The following DEFB128 variants were observed in gnomAD, a reference collection of about 807,000 sequenced individuals.
The protein encoded by DEFB128 is defensin beta 128, also known as beta-defensin 128.
A neutral mutation model predicts 2.4 loss-of-function variants in DEFB128; 1 was observed. The observed-to-expected ratio is 0.41, with a 90% CI of 0.15 to 1.96. The LOEUF is 1.96. Ranked by LOEUF, DEFB128 falls within the 30% of genes most tolerant of loss-of-function variation. The pLI, the probability that DEFB128 is intolerant of heterozygous loss-of-function variation, is 0.30. For missense variants in DEFB128, 129 were observed against 104.9 expected (o/e 1.23, Z -1.00); for synonymous variants, 59 against 39.1 (o/e 1.51, Z -1.89).
In DEFB128 at chr20:187,989, T is replaced by C; in HGVS notation, c.179A>G (p.Lys60Arg). 1 of 1,614,096 alleles carries C rather than the reference T, an allele frequency of 6.2e-7. No homozygotes were observed. The highest frequency in any genetic ancestry group is 8.5e-7 in the Non-Finnish European group (1 of 1,179,952). ...TGGCTTCTTAAATGACACATGTTTT[T>C]TCTCTTCTTCATCATTAGCACAACA... ...KLCCANDEEE[K>R]KHVSFKKPHQ... Residue 60 changes from lysine (K) to arginine (R), a missense_variant, in exon 2 of 2, where the codon AAA becomes AGA. Coordinates refer to ENST00000334391, the MANE Select transcript of DEFB128 (RefSeq NM_001037732.3).
intron 1 of DEFB128, among the ~76,000 whole-genome samples, chr20:188,861 A>G (rs773339409): frequency 1.4e-4 from 21 of 152,090 alleles, no homozygotes; most frequent in South Asian, 6.2e-4. Flanking sequence ...TTGCCCCTCT[A>G]CCCAAAATTT....
Position 187,916 on chromosome 20 carries a change from G to A in DEFB128, c.252C>T (p.Ile84=). ...CTGTGAAAATGGTGATGGTGGGTAA[G>A]ATGATGTAATCCTGCAGCACACTCA... ...EKLSVLQDYI[I]LPTITIFTV Residue 84 remains isoleucine, a synonymous_variant, in exon 2 of 2, where the codon ATC becomes ATT. Coordinates refer to ENST00000334391, the MANE Select transcript of DEFB128 (RefSeq NM_001037732.3). 2 of 1,613,970 alleles carry A rather than the reference G, an allele frequency of 1.2e-6. No homozygotes were observed. Among genetic ancestry groups the A allele is most frequent in the South Asian group, 1.1e-5 (1 of 91,068 alleles).
intron 1 of DEFB128, among the ~76,000 whole-genome samples, chr20:189,177 C>A (rs1319904306): frequency 6.6e-6 from 1 of 152,170 alleles, no homozygotes; most frequent in Admixed American, 6.5e-5. Flanking sequence ...ATTCATACAA[C>A]CCGTCAATGA....
Position 189,641 on chromosome 20 carries a change from G to A in DEFB128, c.-18C>T, listed in dbSNP as rs774674636. On this transcript the variant is annotated 5_prime_UTR_variant, in exon 1 of 2. Coordinates refer to ENST00000334391, the MANE Select transcript of DEFB128 (RefSeq NM_001037732.3). Reference sequence around the variant, plus strand: ...AGCTTCATATTTACAGACTTCCCAAGAGAAAGAGGCAGCAGAACTTTGTCC... The same window carrying A: ...AGCTTCATATTTACAGACTTCCCAAAAGAAAGAGGCAGCAGAACTTTGTCC... 6 of 1,613,584 alleles carry A rather than the reference G, an allele frequency of 3.7e-6. No individual in the cohort carries two copies. Among genetic ancestry groups the A allele is most frequent in the Non-Finnish European group, 5.1e-6 (6 of 1,179,732 alleles).
Position 188,133 on chromosome 20 carries a change from C to A in DEFB128, c.50-15G>T, listed in dbSNP as rs771781951. The A allele has an allele frequency of 3.1e-6, 5 of 1,611,204 alleles. No individual in the cohort carries two copies. Among genetic ancestry groups the A allele is most frequent in the Non-Finnish European group, 4.2e-6 (5 of 1,177,974 alleles). On this transcript the variant is annotated splice_polypyrimidine_tract_variant and intron_variant, in intron 1 of 1. Coordinates refer to ENST00000334391, the MANE Select transcript of DEFB128 (RefSeq NM_001037732.3). Reference sequence around the variant, plus strand: ...TCTTGCCCCGTCTGTGCATAGGAAACAACATTGAACCAAGGTTAGTGCGTA... The same window carrying A: ...TCTTGCCCCGTCTGTGCATAGGAAAAAACATTGAACCAAGGTTAGTGCGTA...
chr20:187,962 T>C lies in DEFB128; in HGVS notation c.206A>G (p.His69Arg), dbSNP rs774145799. The C allele has an allele frequency of 3.1e-6, 5 of 1,613,948 alleles. No homozygotes were observed. Among genetic ancestry groups the C allele is most frequent in the African/African-American group, 1.3e-5 (1 of 74,906 alleles). The change falls in exon 2 of 2, where the codon CAT becomes CGT. Residue 69 changes from histidine to arginine, a missense_variant. By Grantham distance (29) the His-to-Arg change is conservative (BLOSUM62 0). Coordinates refer to ENST00000334391, the MANE Select transcript of DEFB128 (RefSeq NM_001037732.3). ...EKKHVSFKKP[H>R]QHSGEKLSVL... is the part of the protein sequence containing the mutation. ...ACTCAGCTTCTCACCAGAATGTTGA[T>C]GTGGCTTCTTAAATGACACATGTTT...
Position 187,961 on chromosome 20 carries a change from A to G in DEFB128, c.207T>C (p.His69=). 2 of 1,614,044 alleles carry G rather than the reference A, an allele frequency of 1.2e-6. No individual in the cohort carries two copies. The highest frequency in any genetic ancestry group is 1.7e-6 in the Non-Finnish European group (2 of 1,179,952). Reference sequence around the variant, plus strand: ...CACTCAGCTTCTCACCAGAATGTTGATGTGGCTTCTTAAATGACACATGTT... The same window carrying G: ...CACTCAGCTTCTCACCAGAATGTTGGTGTGGCTTCTTAAATGACACATGTT... The part of the protein sequence containing the change: ...EKKHVSFKKP[H]QHSGEKLSVL... Residue 69 remains histidine (H), a synonymous_variant, in exon 2 of 2, where the codon CAT becomes CAC. Coordinates refer to ENST00000334391, the MANE Select transcript of DEFB128 (RefSeq NM_001037732.3).
chr20:189,177 C>CATTATTT (rs1223516748), intron 1 of DEFB128, among the ~76,000 whole-genome samples: 1 of 152,170 alleles, frequency 6.6e-6, no homozygotes, highest in South Asian at 2.1e-4. Context: ...ATTCATACAA[C>CATTATTT]CCGTCAATGA....
intron 1 of DEFB128, among the ~76,000 whole-genome samples, chr20:188,629 C>T (rs2011115683): frequency 6.6e-6 from 1 of 152,168 alleles, no homozygotes; most frequent in Non-Finnish European, 1.5e-5. Context: ...CAGAAATCTC[C>T]CTTTGACAAG....
chr20:189,389 A>G (rs2011118706), intron 1 of DEFB128, among the ~76,000 whole-genome samples, 186 bp downstream of exon 1: 1 of 152,180 alleles, frequency 6.6e-6, no homozygotes, highest in African/African-American at 2.4e-5. Flanking sequence ...AGAGTCCACT[A>G]TAGCCCTGAC....
Position 187,918 on chromosome 20 carries a change from T to A in DEFB128, c.250A>T (p.Ile84Phe). Residue 84 changes from isoleucine (I) to phenylalanine (F), a missense_variant, in exon 2 of 2, where the codon ATC becomes TTC. Transcript: ENST00000334391. ...EKLSVLQDYI[I>F]LPTITIFTV ...GTGAAAATGGTGATGGTGGGTAAGA[T>A]GATGTAATCCTGCAGCACACTCAGC... is the stretch of plus-strand genomic sequence containing the variant. 5.6e-6 allele frequency: 9 copies of A among 1,613,984 alleles called. No homozygotes were observed. Among genetic ancestry groups the A allele is most frequent in the Non-Finnish European group, 7.6e-6 (9 of 1,179,914 alleles).
chr20:189,110 G>A (rs1245464624), intron 1 of DEFB128, among the ~76,000 whole-genome samples: 1 of 152,152 alleles, frequency 6.6e-6, no homozygotes, highest in Non-Finnish European at 1.5e-5. Context: ...ATGAAATATA[G>A]TAATTATACT....
intron 1 of DEFB128, among the ~76,000 whole-genome samples, 182 bp downstream of exon 1, chr20:189,393 C>A (rs2011118720): frequency 6.6e-6 from 1 of 152,108 alleles, no homozygotes; most frequent in Non-Finnish European, 1.5e-5. Context: ...TCCACTATAG[C>A]CCTGACCTCC....
chr20:189,113 A>C (rs946985769), intron 1 of DEFB128, among the ~76,000 whole-genome samples: 1 of 152,208 alleles, frequency 6.6e-6, no homozygotes, highest in African/African-American at 2.4e-5. Context: ...AAATATAGTA[A>C]TTATACTCCT....
Position 188,030 on chromosome 20 carries a change from A to G in DEFB128, c.138T>C (p.Cys46=). ...TAGCACAACATAATTTCCCACTTAG[A>G]CATCCTATTTCATATCTTTCTCCTA... ...CKVGERYEIG[C]LSGKLCCAND... Residue 46 remains cysteine, a synonymous_variant, in exon 2 of 2, where the codon TGT becomes TGC. Transcript: ENST00000334391. The G allele has an allele frequency of 6.2e-7, 1 of 1,614,050 alleles. No individual in the cohort carries two copies. The highest frequency in any genetic ancestry group is 8.5e-7 in the Non-Finnish European group (1 of 1,179,936).
In DEFB128 at chr20:189,666, C is replaced by T; in HGVS notation, c.-43G>A. The T allele has an allele frequency of 1.2e-6, 2 of 1,609,054 alleles. No individual in the cohort carries two copies. Among genetic ancestry groups the T allele is most frequent in the South Asian group, 2.2e-5 (2 of 90,946 alleles). Reference sequence around the variant, plus strand: ...GAGAAAGAGGCAGCAGAACTTTGTCCAGTGGTCTGTGTGCCACAGGTCTTT... The same window carrying T: ...GAGAAAGAGGCAGCAGAACTTTGTCTAGTGGTCTGTGTGCCACAGGTCTTT... On this transcript the variant is annotated 5_prime_UTR_variant, in exon 1 of 2. Transcript: ENST00000334391.
chr20:188,098 A>T lies in DEFB128; in HGVS notation c.70T>A (p.Cys24Ser), dbSNP rs116794501. Residue 24 changes from cysteine (C) to serine (S), a missense_variant, in exon 2 of 2, where the codon TGC becomes AGC. By Grantham distance (112) the Cys-to-Ser change is moderately radical. Coordinates refer to ENST00000334391, the MANE Select transcript of DEFB128 (RefSeq NM_001037732.3). ...VLTDGARLKK[C>S]FNKVTGYCRK... The stretch of plus-strand genomic sequence containing the variant: ...CAATAGCCTGTTACTTTATTGAAGC[A>T]TTTTTTGAGTCTTGCCCCGTCTGTG... The T allele has an allele frequency of 8.0e-4, 1,294 of 1,613,906 alleles. 7 individuals are homozygous for T. In the African/African-American group the frequency reaches 0.015, roughly 18 times the overall value.
At chr20:188,349 C>G (rs2011114558) in intron 1 of DEFB128, among the ~76,000 whole-genome samples, 1 of 152,172 alleles carries the variant, frequency 6.6e-6, no homozygotes, top group African/African-American at 2.4e-5. Flanking sequence ...ACTGATATGA[C>G]AAAAGAGAAG....
Position 188,714 on chromosome 20 carries a change from C to G in DEFB128, c.50-596G>C, listed in dbSNP as rs183542939. On this transcript the variant is annotated intron_variant, in intron 1 of 1. Transcript: ENST00000334391. ...CTGGCTCCTCCTGTCTGTCACTCAT[C>G]ACACTCCCCTTGATCTCAGATAAAT... 5.8e-4 allele frequency among the ~76,000 whole-genome samples: 89 copies of G among 152,350 alleles called. 1 individual carries two copies. The highest frequency in any genetic ancestry group is 2.8e-4 in the Non-Finnish European group (19 of 68,038).
Sources: gnomAD v4.1 joint callset for allele counts (sites outside exome capture counted in the v4.1 genomes callset) on GRCh38, gnomAD v4.1.1 for gene constraint, MANE v1.5 for transcripts, NCBI Gene and HGNC (gene_info 2026-07-23, HGNC 2026-07-21) for gene names.